Variants in GSK3B observed in about 807,000 individuals in gnomAD.
GSK3B encodes glycogen synthase kinase-3 beta.
Under a neutral mutation model 56.4 loss-of-function variants are expected in GSK3B, and 15 were observed. The ratio of observed to expected loss-of-function variants is 0.27; its 90% CI spans 0.18 to 0.41. GSK3B has a LOEUF of 0.41. Ranked by LOEUF, GSK3B falls within the 10% of genes least tolerant of loss-of-function variation. The probability of loss-of-function intolerance (pLI) is 1.00; values close to 1 mark genes in which losing one functional copy is unlikely to be tolerated. For missense variants in GSK3B, 300 were observed against 513.4 expected, an observed-to-expected ratio of 0.58 and a Z score of 4.02; for synonymous variants, 181 against 188.9, an observed-to-expected ratio of 0.96 and a Z score of 0.34.
chr3:120,002,375 G>C (rs1335546530), intron 1 of GSK3B, 136 bp from the exon 2 acceptor site: 2 of 423,950 alleles, frequency 4.7e-6, no homozygotes, highest in African/African-American at 4.2e-5. Context: ...TCTCACTCTT[G>C]TCACCCAGGC....
chr3:119,825,057 C>CA lies in GSK3B; in HGVS notation c.*1730dup, dbSNP rs1421620476. 1 of 194,244 alleles carries CA rather than the reference C, an allele frequency of 5.1e-6. No individual in the cohort carries two copies. Among genetic ancestry groups the CA allele is most frequent in the East Asian group, 8.1e-5 (1 of 12,338 alleles). The allele number at this position is 194,244 out of a possible 1,614,324, so 12.0% of individuals were successfully genotyped here. On this transcript the variant is annotated 3_prime_UTR_variant, in exon 11 of 11. Transcript: ENST00000264235. ...CCATGGGCTCAGCTCTGCAGCCCTA[C>CA]AGTTACCAGCTAACCTTGGAAGGCA...
intron 1 of GSK3B, among the ~76,000 whole-genome samples, chr3:120,060,202 T>C (rs2058225089): frequency 6.6e-6 from 1 of 151,984 alleles, no homozygotes; most frequent in Admixed American, 6.6e-5. Context: ...AGGTGATAAG[T>C]GTTAGAAGGA....
intron 3 of GSK3B, among the ~76,000 whole-genome samples, chr3:119,937,827 T>A (rs1240629707): frequency 6.6e-6 from 1 of 151,476 alleles, no homozygotes; most frequent in Non-Finnish European, 1.5e-5. Flanking sequence ...AAACTAAAAG[T>A]TTTTTTTCTT....
chr3:119,997,013 A>G (rs2057625463), intron 2 of GSK3B, among the ~76,000 whole-genome samples: 1 of 152,218 alleles, frequency 6.6e-6, no homozygotes. Flanking sequence ...GAAAAAAACC[A>G]TAAACCCTAT....
chr3:119,959,658 G>A (rs750885990), intron 2 of GSK3B, among the ~76,000 whole-genome samples: 45 of 151,820 alleles, frequency 3.0e-4, no homozygotes, highest in Admixed American at 7.9e-4. Flanking sequence ...GGGATTACAC[G>A]CGTGTACCAC....
chr3:119,941,610 A>T (rs972481269), intron 3 of GSK3B, among the ~76,000 whole-genome samples: 1 of 152,220 alleles, frequency 6.6e-6, no homozygotes, highest in Non-Finnish European at 1.5e-5. Context: ...GAGTTATAAA[A>T]TATGTAAACA....
At chr3:120,029,026 CT>C (rs1304615408) in intron 1 of GSK3B, 6 of 647,182 alleles carry the variant, frequency 9.3e-6, no homozygotes, top group Non-Finnish European at 1.7e-5. Context: ...TATAGGGACT[CT>C]CATAAAATCT....
intron 7 of GSK3B, 79 bp from the exon 8 acceptor site, chr3:119,876,587 A>C (rs1349057829): frequency 1.3e-6 from 1 of 798,048 alleles, no homozygotes; most frequent in African/African-American, 1.7e-5. Flanking sequence ...CATTGGATTC[A>C]CTGAAAAAAG....
chr3:119,967,767 TTTTC>T (rs969579232), intron 2 of GSK3B, among the ~76,000 whole-genome samples: 3 of 147,652 alleles, frequency 2.0e-5, no homozygotes, highest in African/African-American at 4.9e-5. Context: ...CCTCCTTTTC[TTTTC>T]TTTCTCTTTC....
At chr3:119,841,156 T>G (rs2055765550) in intron 10 of GSK3B, among the ~76,000 whole-genome samples, 1 of 152,222 alleles carries the variant, frequency 6.6e-6, no homozygotes, top group Non-Finnish European at 1.5e-5. Flanking sequence ...AATGTCAGTT[T>G]CTATTTTTAT....
intron 2 of GSK3B, among the ~76,000 whole-genome samples, chr3:119,970,499 C>T (rs574739195): frequency 6.6e-6 from 1 of 151,618 alleles, no homozygotes; most frequent in South Asian, 2.1e-4. Flanking sequence ...CAGCCGGGCG[C>T]GGTGGCTCAC....
intron 6 of GSK3B, among the ~76,000 whole-genome samples, chr3:119,908,278 T>C: frequency 6.6e-6 from 1 of 152,134 alleles, no homozygotes; most frequent in East Asian, 1.9e-4. Flanking sequence ...ATTTTAGGTG[T>C]TTCTGGCACA....
intron 1 of GSK3B, among the ~76,000 whole-genome samples, chr3:120,091,825 A>G (rs1473526739): frequency 8.4e-6 from 1 of 118,882 alleles, no homozygotes; most frequent in East Asian, 2.3e-4. Flanking sequence ...AAGCCACAAG[A>G]AAAAAAAAAA....
At position 119,996,422 on chromosome 3, in the gene GSK3B, TG is replaced by T. The variant is rs745970903; in HGVS notation, c.282+5623del. ...CACAATTTCTTGCAAGCCAAGGCTTTGGGTGCTCTCTTGCTTTATTATTTTA... is the reference window on the plus strand; with the variant it reads ...CACAATTTCTTGCAAGCCAAGGCTTTGGTGCTCTCTTGCTTTATTATTTTA... On this transcript the variant is annotated intron_variant, in intron 2 of 10. Transcript: ENST00000264235. Among the ~76,000 whole-genome samples, 8 of 152,356 alleles carry T rather than the reference TG, an allele frequency of 5.3e-5. No homozygotes were observed. In the East Asian group the frequency reaches 1.4e-3, roughly 26 times the overall value.
At chr3:119,873,735 A>G (rs1005274651) in intron 8 of GSK3B, among the ~76,000 whole-genome samples, 7 of 152,178 alleles carry the variant, frequency 4.6e-5, no homozygotes, top group African/African-American at 1.2e-4. Context: ...GAGAAAAACA[A>G]TAAAATTTCT....
At chr3:119,904,912 G>A (rs1217312171) in intron 7 of GSK3B, among the ~76,000 whole-genome samples, 1 of 149,398 alleles carries the variant, frequency 6.7e-6, no homozygotes, top group African/African-American at 2.5e-5. Context: ...TGTCCAAACT[G>A]AAACCTTAGA....
rs150374080 is a variant in GSK3B, at chr3:120,009,745, G to A, written c.89-7506C>T. Among the ~76,000 whole-genome samples the A allele has an allele frequency of 5.0e-3, 758 of 152,070 alleles. 3 individuals carry two copies. The highest frequency in any genetic ancestry group is 0.017 in the African/African-American group (703 of 41,488). On this transcript the variant is annotated intron_variant, in intron 1 of 10. Coordinates refer to ENST00000264235, the MANE Select transcript of GSK3B (RefSeq NM_001146156.2). ...AGGAGAAATACCTAATGTAGATGAC[G>A]GGTTGATGGGTGCAGCAAACCACCA...
intron 10 of GSK3B, among the ~76,000 whole-genome samples, chr3:119,831,476 T>C (rs958104184): frequency 3.3e-5 from 5 of 151,950 alleles, no homozygotes; most frequent in African/African-American, 1.2e-4. Context: ...GCTAACACGG[T>C]GAAACCCTGA....
intron 7 of GSK3B, among the ~76,000 whole-genome samples, 187 bp downstream of exon 7, chr3:119,905,568 T>A (rs1367922488): frequency 6.6e-6 from 1 of 151,984 alleles, no homozygotes; most frequent in Non-Finnish European, 1.5e-5. Flanking sequence ...AAGAGAAGAG[T>A]AACTCAAATA....
Sources: gnomAD v4.1 joint callset for allele counts (sites outside exome capture counted in the v4.1 genomes callset) on GRCh38, gnomAD v4.1.1 for gene constraint, MANE v1.5 for transcripts, NCBI Gene and HGNC (gene_info 2026-07-23, HGNC 2026-07-21) for gene names.